The following FANCD2 variants were observed in gnomAD, a reference collection of about 807,000 sequenced individuals.
FANCD2 encodes Fanconi anemia group D2 protein.
Under a neutral mutation model 192.3 loss-of-function variants are expected in FANCD2, and 131 were observed. That is an observed-to-expected ratio of 0.68 (90% CI 0.59 to 0.79). The LOEUF (loss-of-function observed/expected upper bound fraction) is 0.79, where lower values mean the gene tolerates loss of function less well. Among genes scored for constraint, FANCD2 ranks in the 30% least tolerant of loss-of-function variants. FANCD2 has a pLI of 0.00. For missense variants in FANCD2, 1,508 were observed against 1,701.6 expected (o/e 0.89, Z 2.00); for synonymous variants, 524 against 612.5 (o/e 0.86, Z 2.13).
rs370232992 is a variant in FANCD2, at chr3:10,036,348, C to T, written c.491+9C>T. On this transcript the variant is annotated intron_variant, in intron 7 of 43. Transcript: ENST00000675286. The stretch of plus-strand genomic sequence containing the variant: ...GAATATTTTTTTGAAAAGTAAGTGG[C>T]GTTATTATGGAATGTTCAAAGTACC... 8.7e-6 allele frequency: 14 copies of T among 1,604,268 alleles called. No individual in the cohort carries two copies. The highest frequency in any genetic ancestry group is 4.4e-5 in the South Asian group (4 of 90,858).
chr3:10,050,420 C>T (rs1264876541), intron 17 of FANCD2, among the ~76,000 whole-genome samples: 12 of 151,048 alleles, frequency 7.9e-5, no homozygotes, highest in Non-Finnish European at 8.9e-5. Flanking sequence ...GTCAGGAGAT[C>T]AAGACCATCC....
At chr3:10,098,659 C>A in intron 42 of FANCD2, 61 bp from the exon 43 acceptor site, 2 of 1,590,288 alleles carry the variant, frequency 1.3e-6, no homozygotes, top group South Asian at 2.3e-5. Flanking sequence ...TCAACCTTCT[C>A]CCCTATTACC....
chr3:10,056,678 C>T (rs1559384681), intron 18 of FANCD2, among the ~76,000 whole-genome samples: 1 of 151,418 alleles, frequency 6.6e-6, no homozygotes, highest in Non-Finnish European at 1.5e-5. Flanking sequence ...ACTACAGGTA[C>T]CTGCCACCTC....
rs462674 is a variant in FANCD2 at position 10,091,068 on chromosome 3, A to G, written c.3777+683A>G. On this transcript the variant is annotated intron_variant, in intron 37 of 43. Coordinates refer to ENST00000675286, the MANE Select transcript of FANCD2 (RefSeq NM_001018115.3). ...ATAGGGAAGCAGAGAAGCTACAGCC[A>G]GTATATGTTTTTTCTTTTTTTTTTC... is the stretch of plus-strand genomic sequence containing the variant. 4.7e-3 allele frequency among the ~76,000 whole-genome samples: 717 copies of G among 151,498 alleles called. 7 individuals are homozygous for G. Among genetic ancestry groups the G allele is most frequent in the African/African-American group, 0.015 (616 of 41,288 alleles).
chr3:10,049,365 C>G lies in FANCD2; in HGVS notation c.1414-9C>G. Reference sequence around the variant, plus strand: ...TTTTACACTGTTCTGTTGACTCTCCCCTGTATAGGAAGTGGTTGGTGCCTT... The same window carrying G: ...TTTTACACTGTTCTGTTGACTCTCCGCTGTATAGGAAGTGGTTGGTGCCTT... On this transcript the variant is annotated splice_polypyrimidine_tract_variant and intron_variant, in intron 16 of 43. Transcript: ENST00000675286. The G allele has an allele frequency of 6.6e-7, 1 of 1,512,422 alleles. No individual in the cohort carries two copies. The highest frequency in any genetic ancestry group is 1.1e-5 in the South Asian group (1 of 87,330). The allele number at this position is 1,512,422 out of a possible 1,614,324, so 93.7% of individuals were successfully genotyped here.
chr3:10,077,849 G>C (rs1023326623), intron 29 of FANCD2, among the ~76,000 whole-genome samples: 2 of 151,918 alleles, frequency 1.3e-5, no homozygotes, highest in African/African-American at 4.8e-5. Flanking sequence ...GGGCAATATA[G>C]TGAGACCTCA....
At chr3:10,052,106 A>T (rs1393692462) in intron 17 of FANCD2, among the ~76,000 whole-genome samples, 2 of 152,182 alleles carry the variant, frequency 1.3e-5, no homozygotes, top group African/African-American at 4.8e-5. Flanking sequence ...CAGAGTGAAG[A>T]GGATAAAGAA....
Position 10,032,988 on chromosome 3 carries a change from A to G in FANCD2, c.205+16A>G, listed in dbSNP as rs1171208944. 6 of 1,535,426 alleles carry G rather than the reference A, an allele frequency of 3.9e-6. No homozygotes were observed. The highest frequency in any genetic ancestry group is 1.7e-5 in the Admixed American group (1 of 59,870). On this transcript the variant is annotated intron_variant, in intron 3 of 43. Transcript: ENST00000675286. ...AATCAACTAGGTAATATTTTAATCT[A>G]ATTTTATTCTCTGGGTTTAATGAAA...
Position 10,039,823 on chromosome 3 carries a change from G to C in FANCD2, c.673G>C (p.Ala225Pro), listed in dbSNP as rs752741393. ...LPEILGDSQH[A>P]DVGKELSDLL... ...TGAGATCCTAGGGGATTCCCAGCAC[G>C]CTGATGTGGGGAAAGAACTCAGGTG... The change falls in exon 9 of 44, where the codon GCT becomes CCT. Residue 225 changes from alanine to proline, a missense_variant. Coordinates refer to ENST00000675286, the MANE Select transcript of FANCD2 (RefSeq NM_001018115.3). 1 of 1,613,884 alleles carries C rather than the reference G, an allele frequency of 6.2e-7. No individual in the cohort carries two copies. Among genetic ancestry groups the C allele is most frequent in the Non-Finnish European group, 8.5e-7 (1 of 1,179,986 alleles).
In FANCD2 at chr3:10,039,826, G is replaced by T. The variant is rs1342877737; in HGVS notation, c.676G>T (p.Asp226Tyr). 6.2e-7 allele frequency: 1 copy of T among 1,613,982 alleles called. No homozygotes were observed. The highest frequency in any genetic ancestry group is 1.3e-5 in the African/African-American group (1 of 74,964). Residue 226 changes from aspartate (D) to tyrosine (Y), a missense_variant, in exon 9 of 44, where the codon GAT becomes TAT. Physicochemically the swap from Asp to Tyr is radical, Grantham distance 160. Around this residue, in one of 5 missense-constraint regions of FANCD2, gnomAD observed 435 missense variants for 421.9 expected, o/e 1.03. Coordinates refer to ENST00000675286, the MANE Select transcript of FANCD2 (RefSeq NM_001018115.3). ...PEILGDSQHADVGKELSDLLI... is the reference protein window; with the variant it reads ...PEILGDSQHAYVGKELSDLLI... ...GATCCTAGGGGATTCCCAGCACGCT[G>T]ATGTGGGGAAAGAACTCAGGTGGAT...
intron 28 of FANCD2, among the ~76,000 whole-genome samples, chr3:10,073,850 A>T (rs2125049192): frequency 6.6e-6 from 1 of 152,342 alleles, no homozygotes; most frequent in Admixed American, 6.5e-5. Flanking sequence ...AGATCCAGGG[A>T]GGGCAAGTGA....
intron 36 of FANCD2, among the ~76,000 whole-genome samples, chr3:10,089,697 A>T (rs34417922): frequency 6.6e-6 from 1 of 152,042 alleles, no homozygotes; most frequent in Non-Finnish European, 1.5e-5. Context: ...CTTGAACCCA[A>T]CCTCAGGTGA....
At chr3:10,039,976 G>C in intron 9 of FANCD2, 131 bp downstream of exon 9, 1 of 967,796 alleles carries the variant, frequency 1.0e-6, no homozygotes, top group Non-Finnish European at 1.6e-6. Flanking sequence ...TCATGAGTAG[G>C]GTATGGGATT....
At chr3:10,042,776 A>G in intron 11 of FANCD2, 113 bp downstream of exon 11, 1 of 887,990 alleles carries the variant, frequency 1.1e-6, no homozygotes, top group Admixed American at 1.7e-5. Context: ...TTCAGAGGAG[A>G]GAATGGAGCT....
chr3:10,052,785 C>G (rs2087257135), intron 18 of FANCD2, among the ~76,000 whole-genome samples: 1 of 151,428 alleles, frequency 6.6e-6, no homozygotes, highest in Non-Finnish European at 1.5e-5. Context: ...AAGTGCTCAT[C>G]ATCACTGGCC....
chr3:10,061,053 T>G (rs2087554519), intron 19 of FANCD2, among the ~76,000 whole-genome samples: 1 of 152,244 alleles, frequency 6.6e-6, no homozygotes, highest in Admixed American at 6.5e-5. Flanking sequence ...CCTTTTTTCA[T>G]GGTGCAGGAC....
At chr3:10,063,664 A>G in intron 20 of FANCD2, 128 bp from the exon 21 acceptor site, 1 of 1,220,600 alleles carries the variant, frequency 8.2e-7, no homozygotes, top group South Asian at 1.2e-5. Context: ...CATTCAGGAA[A>G]ACTTCAAGTG....
At chr3:10,068,456 T>TA in intron 26 of FANCD2, among the ~76,000 whole-genome samples, 1 of 152,178 alleles carries the variant, frequency 6.6e-6, no homozygotes, top group Non-Finnish European at 1.5e-5. Context: ...AAGAGCACTA[T>TA]AATGAGTACT....
At chr3:10,054,361 A>ATATATACGTGTATATACATATATATATG (rs1559382988) in intron 18 of FANCD2, among the ~76,000 whole-genome samples, 14 of 126,202 alleles carry the variant, frequency 1.1e-4, no homozygotes, top group Non-Finnish European at 2.0e-4. Flanking sequence ...ACGTATATAT[A>ATATATACGTGTATATACATATATATATG]TATATACGTG....
Sources: allele counts gnomAD v4.1 joint callset (sites outside exome capture counted in the v4.1 genomes callset), GRCh38; gene constraint gnomAD v4.1.1; regional missense constraint gnomAD v4.1.1; transcripts MANE v1.5; gene names NCBI Gene and HGNC (gene_info 2026-07-23, HGNC 2026-07-21).